Variants in ALG5 observed in about 807,000 individuals in gnomAD.
The protein encoded by ALG5 is dolichyl-phosphate beta-glucosyltransferase.
ALG5 carries 26 observed loss-of-function variants against 51.8 expected under a neutral mutation model. The observed-to-expected ratio is 0.50, with a 90% CI of 0.37 to 0.70. The LOEUF (loss-of-function observed/expected upper bound fraction) is 0.70, where lower values mean the gene tolerates loss of function less well. Ranked by LOEUF, ALG5 falls within the 30% of genes least tolerant of loss-of-function variation. The pLI is 0.00. For synonymous variants in ALG5, 141 were observed against 136.1 expected, an observed-to-expected ratio of 1.04 and a Z score of -0.25; for missense variants, 311 against 399.3, an observed-to-expected ratio of 0.78 and a Z score of 1.88.
At chr13:36,976,688 C>T (rs894466016) in intron 6 of ALG5, among the ~76,000 whole-genome samples, 4 of 151,548 alleles carry the variant, frequency 2.6e-5, no homozygotes, top group Admixed American at 6.6e-5. Context: ...GCAGAGGTTG[C>T]GGTGAGCCGA....
chr13:36,950,507 C>T (rs1366871358), intron 9 of ALG5, among the ~76,000 whole-genome samples: 2 of 152,124 alleles, frequency 1.3e-5, no homozygotes, highest in African/African-American at 4.8e-5. Flanking sequence ...TAATTTTGTC[C>T]AGACCTCTTT....
At position 36,967,530 on chromosome 13, in the gene ALG5, T is replaced by C. The variant is rs546934031; in HGVS notation, c.622-1804A>G. On this transcript the variant is annotated intron_variant, in intron 7 of 9. Transcript: ENST00000239891. ...TTACTCTCCTGACCACAATTTTACT[T>C]ATGTATTAAATAGGGCAGGAAGGAA... 3.3e-5 allele frequency: 7 copies of C among 210,118 alleles called. No individual in the cohort carries two copies. In the South Asian group the frequency reaches 5.4e-4, roughly 16 times the overall value. The allele number at this position is 210,118 out of a possible 1,614,324, so 13.0% of individuals were successfully genotyped here.
intron 6 of ALG5, among the ~76,000 whole-genome samples, chr13:36,979,044 T>C (rs1211613062): frequency 1.3e-5 from 2 of 151,720 alleles, no homozygotes; most frequent in African/African-American, 2.4e-5. Context: ...AATTATGGAG[T>C]CTTGCTCTGT....
chr13:36,960,983 G>C (rs2181788), intron 8 of ALG5, among the ~76,000 whole-genome samples: 122,467 of 151,890 alleles, frequency 0.81, 50,116 homozygotes, highest in East Asian at 1. Context: ...GAATTTAGGT[G>C]AAGTACAGCT....
chr13:36,992,539 C>T (rs1057120444), intron 4 of ALG5, among the ~76,000 whole-genome samples: 2 of 152,154 alleles, frequency 1.3e-5, no homozygotes, highest in Non-Finnish European at 2.9e-5. Flanking sequence ...AATGGATGCA[C>T]AATGAAGCTT....
intron 7 of ALG5, among the ~76,000 whole-genome samples, chr13:36,969,869 A>T (rs2058913548): frequency 6.6e-6 from 1 of 152,072 alleles, no homozygotes; most frequent in South Asian, 2.1e-4. Flanking sequence ...CTGTATTTAT[A>T]ATATCATACT....
intron 1 of ALG5, 36 bp downstream of exon 1, chr13:36,999,199 G>A (rs2059071329): frequency 1.3e-6 from 2 of 1,542,004 alleles, no homozygotes; most frequent in Non-Finnish European, 8.7e-7. Context: ...AGAGCGGTAA[G>A]CCCCGGCCTG....
At position 36,967,943 on chromosome 13, in the gene ALG5, ATT is replaced by A. The variant is rs779578048; in HGVS notation, c.622-2219_622-2218del. On this transcript the variant is annotated intron_variant, in intron 7 of 9. Coordinates refer to ENST00000239891, the MANE Select transcript of ALG5 (RefSeq NM_013338.5). ...AGCTTATTTGTTCGCAAATAAAACT[ATT>A]CATGACTGCTCTGGCTTGGATGTTA... is the stretch of plus-strand genomic sequence containing the variant. 450 of 450,900 alleles carry A rather than the reference ATT, an allele frequency of 1.0e-3. 1 individual carries two copies. Among genetic ancestry groups the A allele is most frequent in the Non-Finnish European group, 1.4e-3 (394 of 271,776 alleles). 27.9% of individuals were successfully genotyped at this position (450,900 alleles called of 1,614,324 possible). A position where few individuals can be genotyped will look rare whatever the true frequency, so the allele number is the denominator to read the frequency against.
At chr13:36,964,012 T>G (rs2058880410) in intron 8 of ALG5, among the ~76,000 whole-genome samples, 1 of 152,212 alleles carries the variant, frequency 6.6e-6, no homozygotes, top group Non-Finnish European at 1.5e-5. Context: ...AGAAAGATTA[T>G]GCTTTAATCG....
intron 8 of ALG5, among the ~76,000 whole-genome samples, chr13:36,955,486 C>T (rs1202825910): frequency 6.7e-6 from 1 of 150,094 alleles, no homozygotes; most frequent in Non-Finnish European, 1.5e-5. Context: ...AAAGTTAATA[C>T]TGAAAAACAA....
At chr13:36,983,745 T>C (rs2058989808) in intron 6 of ALG5, among the ~76,000 whole-genome samples, 1 of 152,062 alleles carries the variant, frequency 6.6e-6, no homozygotes, top group Admixed American at 6.6e-5. Context: ...ATTATATTAG[T>C]TGATTCACTT....
At chr13:36,973,966 C>A (rs1428212621) in intron 6 of ALG5, among the ~76,000 whole-genome samples, 1 of 152,182 alleles carries the variant, frequency 6.6e-6, no homozygotes, top group Non-Finnish European at 1.5e-5. Flanking sequence ...CCTGACCCAG[C>A]AATTCCAACA....
At chr13:36,952,641 TAG>T (rs746072633) in intron 8 of ALG5, 42 bp from the exon 9 acceptor site, 3 of 1,238,084 alleles carry the variant, frequency 2.4e-6, no homozygotes, top group East Asian at 5.6e-5. Context: ...TAAAGACAAA[TAG>T]AACACAACTA....
chr13:36,976,984 GATTC>G (rs1171027485), intron 6 of ALG5, among the ~76,000 whole-genome samples: 1 of 152,130 alleles, frequency 6.6e-6, no homozygotes, highest in African/African-American at 2.4e-5. Context: ...CCATTTCAAA[GATTC>G]ATGAGTAGAG....
In ALG5 at chr13:36,965,134, TA is replaced by T. The variant is rs552218408; in HGVS notation, c.773+440del. ...ATGTGATGGAAGGGAAAAGGCTGAA[TA>T]CACAAGAGATGAAATACATGGACAG... On this transcript the variant is annotated intron_variant, in intron 8 of 9. Transcript: ENST00000239891. 3.3e-3 allele frequency among the ~76,000 whole-genome samples: 503 copies of T among 152,106 alleles called. 1 individual carries two copies. Among genetic ancestry groups the T allele is most frequent in the Middle Eastern group, 0.02 (6 of 294 alleles).
intron 8 of ALG5, among the ~76,000 whole-genome samples, chr13:36,955,145 A>G (rs2058834047): frequency 6.6e-6 from 1 of 152,168 alleles, no homozygotes; most frequent in African/African-American, 2.4e-5. Context: ...GCTAACAGCC[A>G]GGCTCACAGC....
intron 8 of ALG5, among the ~76,000 whole-genome samples, chr13:36,961,176 G>A (rs2058864994): frequency 6.6e-6 from 1 of 152,094 alleles, no homozygotes; most frequent in Non-Finnish European, 1.5e-5. Flanking sequence ...AGCACTTTGG[G>A]AGGCTGAGGT....
intron 8 of ALG5, among the ~76,000 whole-genome samples, chr13:36,956,491 G>C (rs973203738): frequency 6.6e-6 from 1 of 152,200 alleles, no homozygotes; most frequent in African/African-American, 2.4e-5. Flanking sequence ...TTATCCAAAA[G>C]ATTTGAAATC....
intron 4 of ALG5, among the ~76,000 whole-genome samples, chr13:36,989,878 C>A (rs74756791): frequency 0.014 from 2,201 of 152,168 alleles, 54 homozygotes; most frequent in African/African-American, 0.051. Flanking sequence ...ACAACAACAA[C>A]AAAAAACAAC....
Sources: allele counts gnomAD v4.1 joint callset (sites outside exome capture counted in the v4.1 genomes callset), GRCh38; gene constraint gnomAD v4.1.1; transcripts MANE v1.5; gene names NCBI Gene and HGNC (gene_info 2026-07-23, HGNC 2026-07-21).